The following GON4L variants were observed in gnomAD, a reference collection of about 807,000 sequenced individuals.
The protein encoded by GON4L is gon-4 like, also known as GON-4-like protein.
A neutral mutation model predicts 211.8 loss-of-function variants in GON4L; 87 were observed. The ratio of observed to expected loss-of-function variants is 0.41; its 90% CI spans 0.35 to 0.49. The LOEUF (loss-of-function observed/expected upper bound fraction) is 0.49. GON4L is among the 20% of genes least tolerant of loss of function. GON4L has a pLI of 0.15. For synonymous variants in GON4L, 875 were observed against 962.6 expected (o/e 0.91, Z 1.68); for missense variants, 2,155 against 2,659.5 (o/e 0.81, Z 4.17).
At chr1:155,748,455 C>T, downstream of GON4L, 1 of 1,610,138 alleles carries the variant, frequency 6.2e-7, no homozygotes. Flanking sequence ...GACACAGTCA[C>T]TGTTCCTTAT....
At chr1:155,753,452 T>C (rs774930629) in intron 28 of GON4L, 38 bp from the exon 29 acceptor site, 2 of 1,498,792 alleles carry the variant, frequency 1.3e-6, no homozygotes, top group Non-Finnish European at 1.8e-6. Context: ...GTGTTCTGAC[T>C]GCCTATGTCT....
rs1490141473 is a variant in GON4L at position 155,774,663 on chromosome 1, G to T, written c.2350+339C>A. ...TAAACATGACCAAACTTTACCACCT[G>T]ACTTTCATCTTTACCAGGCCCCAGT... On this transcript the variant is annotated intron_variant, in intron 17 of 31. Transcript: ENST00000368331. 12 of 395,988 alleles carry T rather than the reference G, an allele frequency of 3.0e-5. No individual in the cohort carries two copies. In the Admixed American group the frequency reaches 4.4e-4, roughly 14 times the overall value. 24.5% of individuals were successfully genotyped at this position (395,988 alleles called of 1,614,324 possible).
chr1:155,806,154 ATTT>A (rs747278318), intron 10 of GON4L, among the ~76,000 whole-genome samples: 4 of 138,906 alleles, frequency 2.9e-5, no homozygotes, highest in Non-Finnish European at 3.2e-5. Context: ...TGCTCGGCTA[ATTT>A]TTTTTTTTTT....
chr1:155,824,762 C>CAAAAAAA (rs58791710), intron 3 of GON4L, among the ~76,000 whole-genome samples: 2 of 52,078 alleles, frequency 3.8e-5, no homozygotes, highest in African/African-American at 1.2e-4. Context: ...GACTCTGTCG[C>CAAAAAAA]AAAAAAAAAA....
downstream of GON4L, chr1:155,745,829 A>G (rs1425570399): frequency 3.1e-6 from 2 of 637,988 alleles, no homozygotes; most frequent in Non-Finnish European, 5.6e-6. Flanking sequence ...GCAGCGCAGT[A>G]TGGCGGGCGG....
At chr1:155,784,565 A>G (rs1664756709) in intron 13 of GON4L, 2 of 183,856 alleles carry the variant, frequency 1.1e-5, no homozygotes, top group Non-Finnish European at 2.3e-5. Context: ...TATTTTTAAT[A>G]GAGACAGGGT....
intron 12 of GON4L, among the ~76,000 whole-genome samples, chr1:155,794,748 TTC>T (rs1287379829): frequency 6.6e-6 from 1 of 152,222 alleles, no homozygotes; most frequent in East Asian, 1.9e-4. Flanking sequence ...TTGTAACTTT[TTC>T]TGTTTCTATC....
chr1:155,748,064 CT>C, downstream of GON4L: 1 of 1,608,460 alleles, frequency 6.2e-7, no homozygotes, highest in Non-Finnish European at 8.5e-7. Flanking sequence ...GCCCCTTGTC[CT>C]TGGGTGGGAG....
chr1:155,799,173 G>A (rs1053852296), intron 11 of GON4L, among the ~76,000 whole-genome samples: 1 of 152,158 alleles, frequency 6.6e-6, no homozygotes, highest in Non-Finnish European at 1.5e-5. Context: ...GGTGGCTCAC[G>A]CCTGTAATCC....
intron 29 of GON4L, 33 bp from the exon 30 acceptor site, chr1:155,752,623 T>A: frequency 6.4e-7 from 1 of 1,559,558 alleles, no homozygotes; most frequent in Non-Finnish European, 8.7e-7. Context: ...CAGGGTACTG[T>A]CAGGTTCAAG....
In GON4L at chr1:155,766,596, G is replaced by A; in HGVS notation, c.2877C>T (p.Asp959=). 1 of 1,614,116 alleles carries A rather than the reference G, an allele frequency of 6.2e-7. No individual in the cohort carries two copies. The highest frequency in any genetic ancestry group is 8.5e-7 in the Non-Finnish European group (1 of 1,180,020). The part of the protein sequence containing the change: ...EINSDRSLEK[D]NLELGSESRY... ...GAGATTCACTCCCCAACTCCAAATTGTCTTTTTCTAGGCTTCGATCTGAGT... is the reference window on the plus strand; with the variant it reads ...GAGATTCACTCCCCAACTCCAAATTATCTTTTTCTAGGCTTCGATCTGAGT... Residue 959 remains aspartate (D), a synonymous_variant, in exon 21 of 32, where the codon GAC becomes GAT. Coordinates refer to ENST00000368331, the MANE Select transcript of GON4L (RefSeq NM_001282860.2).
intron 14 of GON4L, among the ~76,000 whole-genome samples, chr1:155,782,526 CAAT>C (rs1361497020): frequency 6.6e-6 from 1 of 152,086 alleles, no homozygotes; most frequent in Non-Finnish European, 1.5e-5. Flanking sequence ...GCTTTCTACA[CAAT>C]GATGAAATCG....
rs377411800 is a variant in GON4L, at chr1:155,752,604, T to C, written c.5843-14A>G. On this transcript the variant is annotated splice_polypyrimidine_tract_variant and intron_variant, in intron 29 of 31. Transcript: ENST00000368331. ...CTGCCAATCCTGCTTAGGAGGAAAATAAGGATCTCAGGGTACTGTCAGGTT... is the reference window on the plus strand; with the variant it reads ...CTGCCAATCCTGCTTAGGAGGAAAACAAGGATCTCAGGGTACTGTCAGGTT... 2.8e-4 allele frequency: 440 copies of C among 1,569,744 alleles called. No homozygotes were observed. The highest frequency in any genetic ancestry group is 1.3e-3 in the South Asian group (113 of 85,852).
intron 2 of GON4L, among the ~76,000 whole-genome samples, chr1:155,837,046 A>G (rs1424829752): frequency 6.6e-6 from 1 of 152,120 alleles, no homozygotes; most frequent in Non-Finnish European, 1.5e-5. Flanking sequence ...TCACTGGCCA[A>G]TGTCTAGATA....
At chr1:155,776,962 T>A (rs1320752969) in intron 15 of GON4L, among the ~76,000 whole-genome samples, 2 of 152,128 alleles carry the variant, frequency 1.3e-5, no homozygotes, top group Non-Finnish European at 2.9e-5. Flanking sequence ...TCAGACATGT[T>A]CCCTTGAACA....
chr1:155,748,363 C>A (rs778992782), downstream of GON4L: 3 of 1,573,824 alleles, frequency 1.9e-6, no homozygotes, highest in Non-Finnish European at 2.6e-6. Context: ...CTTTTCCAGG[C>A]CCGAGGCCAA....
intron 12 of GON4L, among the ~76,000 whole-genome samples, chr1:155,787,174 T>C (rs1665033986): frequency 6.6e-6 from 1 of 152,136 alleles, no homozygotes; most frequent in Admixed American, 6.5e-5. Flanking sequence ...CCTCCCAAAA[T>C]GCTGGGATTA....
rs374331940 is a variant in GON4L, at chr1:155,760,417, G to A, written c.5109+27C>T. The A allele has an allele frequency of 6.3e-6, 9 of 1,432,436 alleles. No homozygotes were observed. The African/African-American group carries it at 1.3e-4, about 20-fold the overall frequency. The allele number at this position is 1,432,436 out of a possible 1,614,324, so 88.7% of individuals were successfully genotyped here. A position where few individuals can be genotyped will look rare whatever the true frequency, so the allele number is the denominator to read the frequency against. On this transcript the variant is annotated intron_variant, in intron 24 of 31. Transcript: ENST00000368331. ...GTCTCACTCTGACCCAGGAGTCCCA[G>A]TGTACTTTTTTTCCCCATTCACTTA...
At chr1:155,764,145 A>G (rs1049074224) in intron 21 of GON4L, among the ~76,000 whole-genome samples, 1 of 152,118 alleles carries the variant, frequency 6.6e-6, no homozygotes, top group African/African-American at 2.4e-5. Flanking sequence ...AACTTCTGTA[A>G]CCTGAAGATA....
Sources: allele counts gnomAD v4.1 joint callset (sites outside exome capture counted in the v4.1 genomes callset), GRCh38; gene constraint gnomAD v4.1.1; transcripts MANE v1.5; gene names NCBI Gene and HGNC (gene_info 2026-07-23, HGNC 2026-07-21).